The following ZNF432 variants were observed in gnomAD, a reference collection of about 807,000 sequenced individuals.
The protein encoded by ZNF432 is zinc finger protein 432.
Under a neutral mutation model 13.9 loss-of-function variants are expected in ZNF432, and 10 were observed. The observed-to-expected ratio is 0.72, with a 90% CI of 0.44 to 1.22. ZNF432 has a LOEUF of 1.22. Ranked by LOEUF, ZNF432 falls within the 50% of genes most tolerant of loss-of-function variation. The pLI is 0.00. For synonymous variants in ZNF432, 247 were observed against 256.2 expected (o/e 0.96, Z 0.34); for missense variants, 793 against 796.2 (o/e 1.00, Z 0.05).
Position 52,032,066 on chromosome 19 carries a change from A to G in ZNF432, c.*1654T>C, listed in dbSNP as rs2087019681. The G allele has an allele frequency of 6.6e-6, 1 of 152,222 alleles. No homozygotes were observed. Among genetic ancestry groups the G allele is most frequent in the African/African-American group, 2.4e-5 (1 of 41,460 alleles). 9.4% of individuals were successfully genotyped at this position (152,222 alleles called of 1,614,324 possible). A position where few individuals can be genotyped will look rare whatever the true frequency, so the allele number is the denominator to read the frequency against. The stretch of plus-strand genomic sequence containing the variant: ...CAAAGAATACTCAGGAAACTTTTGT[A>G]TATTTTGTAATCTCTTGTGAATCTA... On this transcript the variant is annotated 3_prime_UTR_variant, in exon 5 of 5. Transcript: ENST00000221315.
intron 4 of ZNF432, 81 bp from the exon 5 acceptor site, chr19:52,035,521 GTTTTA>G (rs2087072807): frequency 9.0e-7 from 1 of 1,106,932 alleles, no homozygotes; most frequent in Non-Finnish European, 1.2e-6. Flanking sequence ...AATCCTTGGT[GTTTTA>G]TTTTGTTTAT....
At chr19:52,037,708 T>G (rs908681934) in intron 4 of ZNF432, among the ~76,000 whole-genome samples, 4 of 150,710 alleles carry the variant, frequency 2.7e-5, no homozygotes, top group Non-Finnish European at 5.9e-5. Context: ...GAGGATCGCT[T>G]GAGCCCAGGA....
intron 2 of ZNF432, among the ~76,000 whole-genome samples, chr19:52,045,352 CTTTT>C (rs11433756): frequency 2.8e-5 from 3 of 107,554 alleles, no homozygotes; most frequent in African/African-American, 3.8e-5. Flanking sequence ...CTTTTTTTAC[CTTTT>C]TTTTTTTTTT....
At chr19:52,045,386 C>G (rs1454184161) in intron 2 of ZNF432, among the ~76,000 whole-genome samples, 8 of 101,668 alleles carry the variant, frequency 7.9e-5, no homozygotes, top group Non-Finnish European at 1.1e-4. Flanking sequence ...GACGGAGTTT[C>G]GCTCTTGTTG....
Position 52,046,986 on chromosome 19 carries a change from CA to C in ZNF432, c.-119del, listed in dbSNP as rs1381498565. ...ACCAGTGAAGGGTGTCCACAGAAATCATATCTAGGTCCTGGAATCTTCCTCT... is the reference window on the plus strand; with the variant it reads ...ACCAGTGAAGGGTGTCCACAGAAATCTATCTAGGTCCTGGAATCTTCCTCT... On this transcript the variant is annotated 5_prime_UTR_variant, in exon 2 of 5. The change abolishes an upstream ATG in the 5' untranslated region. Transcript: ENST00000221315. The C allele has an allele frequency of 1.1e-5, 11 of 1,023,150 alleles. No homozygotes were observed. Among genetic ancestry groups the C allele is most frequent in the Non-Finnish European group, 1.3e-5 (9 of 685,130 alleles). 63.4% of individuals were successfully genotyped at this position (1,023,150 alleles called of 1,614,324 possible).
At chr19:52,038,645 C>T (rs1361704580) in intron 4 of ZNF432, among the ~76,000 whole-genome samples, 1 of 152,168 alleles carries the variant, frequency 6.6e-6, no homozygotes, top group Non-Finnish European at 1.5e-5. Flanking sequence ...TCTAGATATG[C>T]CTTGTGCACA....
chr19:52,034,250 G>C lies in ZNF432; in HGVS notation c.1429C>G (p.Arg477Gly). 6.2e-7 allele frequency: 1 copy of C among 1,614,020 alleles called. No individual in the cohort carries two copies. Among genetic ancestry groups the C allele is most frequent in the Non-Finnish European group, 8.5e-7 (1 of 1,179,972 alleles). Residue 477 changes from arginine to glycine, a missense_variant, in exon 5 of 5, where the codon CGA becomes GGA. Transcript: ENST00000221315. ...PLKSRLIVHQRTHTGEKPYRC... is the reference protein window; with the variant it reads ...PLKSRLIVHQGTHTGEKPYRC... ...TAAGGTTTCTCTCCAGTATGAGTTC[G>C]CTGATGTACAATCAGCCGACTCTTC...
At chr19:52,043,096 T>C (rs1395011605) in intron 2 of ZNF432, among the ~76,000 whole-genome samples, 1 of 152,136 alleles carries the variant, frequency 6.6e-6, no homozygotes, top group Non-Finnish European at 1.5e-5. Flanking sequence ...CACATGGTAG[T>C]AGGAACTTGA....
chr19:52,048,128 A>AACACACACACACACACACAC (rs3138637), intron 1 of ZNF432, among the ~76,000 whole-genome samples: 1,061 of 103,386 alleles, frequency 0.01, 55 homozygotes, highest in Non-Finnish European at 0.014. Context: ...GTTTGAGCTC[A>AACACACACACACACACACAC]ACACACACAC....
chr19:52,041,808 T>G (rs957635454), intron 2 of ZNF432, among the ~76,000 whole-genome samples: 5 of 152,186 alleles, frequency 3.3e-5, no homozygotes, highest in Admixed American at 3.3e-4. Context: ...AAAATTAAGG[T>G]TTTATATCAA....
At chr19:52,041,318 T>C (rs1269902601) in intron 3 of ZNF432, among the ~76,000 whole-genome samples, 162 bp downstream of exon 3, 1 of 152,138 alleles carries the variant, frequency 6.6e-6, no homozygotes, top group Admixed American at 6.5e-5. Context: ...CCAATCCCTC[T>C]TGGACACTGA....
At chr19:52,040,319 A>G in intron 4 of ZNF432, 169 bp downstream of exon 4, 1 of 651,258 alleles carries the variant, frequency 1.5e-6, no homozygotes, top group Non-Finnish European at 2.8e-6. Flanking sequence ...GGACAGATGT[A>G]TGGTACTAAA....
Position 52,034,293 on chromosome 19 carries a change from A to G in ZNF432, c.1386T>C (p.Cys462=), listed in dbSNP as rs1257468396. The G allele has an allele frequency of 6.2e-7, 1 of 1,609,608 alleles. No individual in the cohort carries two copies. The highest frequency in any genetic ancestry group is 2.2e-5 in the East Asian group (1 of 44,694). Residue 462 remains cysteine (C), a synonymous_variant, in exon 5 of 5, where the codon TGT becomes TGC. Transcript: ENST00000221315. ...TGEKPYTCSE[C]GKGFPLKSRL... ...GACTCTTCAAGGGGAAGCCTTTCCC[A>G]CATTCACTGCATGTGTAGGGCTTCT...
In ZNF432 at chr19:52,033,739, T is replaced by C; in HGVS notation, c.1940A>G (p.His647Arg). ...KRNLIVHQRTHNGNKP is the reference protein window; with the variant it reads ...KRNLIVHQRTRNGNKP ...GCATTGTCAGGGTTTGTTTCCATTA[T>C]GAGTTCGCTGATGTACAATGAGATT... Residue 647 changes from histidine (H) to arginine (R), a missense_variant, in exon 5 of 5, where the codon CAT becomes CGT. By Grantham distance (29) the His-to-Arg change is conservative (BLOSUM62 0). Transcript: ENST00000221315. 6.3e-7 allele frequency: 1 copy of C among 1,591,044 alleles called. No individual in the cohort carries two copies. The highest frequency in any genetic ancestry group is 8.5e-7 in the Non-Finnish European group (1 of 1,170,550).
intron 1 of ZNF432, 174 bp from the exon 2 acceptor site, chr19:52,047,234 G>C (rs919852860): frequency 7.0e-6 from 2 of 286,910 alleles, no homozygotes; most frequent in African/African-American, 2.2e-5. Context: ...AGGTCACAAA[G>C]GAGAATCCAC....
Position 52,033,932 on chromosome 19 carries a change from C to T in ZNF432, c.1747G>A (p.Glu583Lys). Residue 583 changes from glutamate (E) to lysine (K), a missense_variant, in exon 5 of 5, where the codon GAG becomes AAG. By Grantham distance (56) the Glu-to-Lys change is moderately conservative. Coordinates refer to ENST00000221315, the MANE Select transcript of ZNF432 (RefSeq NM_014650.4). ...ECGRGFAKET[E>K]LALHKQVHTG... ...TGAACTTGCTTATGTAAAGCAAGCTCTGTTTCCTTGGCAAAGCCTCTTCCA... is the reference window on the plus strand; with the variant it reads ...TGAACTTGCTTATGTAAAGCAAGCTTTGTTTCCTTGGCAAAGCCTCTTCCA... The T allele has an allele frequency of 6.2e-7, 1 of 1,613,804 alleles. No individual in the cohort carries two copies. Among genetic ancestry groups the T allele is most frequent in the Non-Finnish European group, 8.5e-7 (1 of 1,179,870 alleles).
At chr19:52,037,800 A>G (rs1381334354) in intron 4 of ZNF432, among the ~76,000 whole-genome samples, 1 of 151,850 alleles carries the variant, frequency 6.6e-6, no homozygotes, top group Non-Finnish European at 1.5e-5. Context: ...AAAAAAAAAA[A>G]AAAAAAAAGG....
rs370747053 is a variant in ZNF432, at chr19:52,034,118, C to T, written c.1561G>A (p.Gly521Ser). ...KPYICNECGK[G>S]FAFKSNLVVH... ...ACAAGATTGCTCTTAAAGGCAAAAC[C>T]TTTTCCACATTCATTGCATATGTAC... The change falls in exon 5 of 5, where the codon GGT becomes AGT. Residue 521 changes from glycine to serine, a missense_variant. Transcript: ENST00000221315. 1.2e-6 allele frequency: 2 copies of T among 1,613,954 alleles called. No homozygotes were observed. Among genetic ancestry groups the T allele is most frequent in the African/African-American group, 1.3e-5 (1 of 74,944 alleles).
At position 52,034,686 on chromosome 19, in the gene ZNF432, C is replaced by A; in HGVS notation, c.993G>T (p.Met331Ile). Residue 331 changes from methionine to isoleucine, a missense_variant, in exon 5 of 5, where the codon ATG becomes ATT. Physicochemically the swap from Met to Ile is conservative, Grantham distance 10. Transcript: ENST00000221315. Reference sequence around the variant, plus strand: ...TATGAGTTCGCTGATGTATAATAAGCATGCTCTTCCCAGTGAAGCCTTTTC... The same window carrying A: ...TATGAGTTCGCTGATGTATAATAAGAATGCTCTTCCCAGTGAAGCCTTTTC... ...ECGKGFTGKS[M>I]LIIHQRTHTG... 2 of 1,613,578 alleles carry A rather than the reference C, an allele frequency of 1.2e-6. No individual in the cohort carries two copies. The highest frequency in any genetic ancestry group is 1.7e-6 in the Non-Finnish European group (2 of 1,179,866).
Sources: gnomAD v4.1 joint callset for allele counts (sites outside exome capture counted in the v4.1 genomes callset) on GRCh38, gnomAD v4.1.1 for gene constraint, MANE v1.5 for transcripts, NCBI Gene and HGNC (gene_info 2026-07-23, HGNC 2026-07-21) for gene names.